LCORL: variants seen among roughly 807,000 people sequenced by gnomAD.
The protein encoded by LCORL is ligand-dependent nuclear receptor corepressor-like protein.
In LCORL, 41 loss-of-function variants were observed where a neutral mutation model predicts 141.8. That is an observed-to-expected ratio of 0.29 (90% CI 0.23 to 0.38). LCORL has a LOEUF of 0.38. Ranked by LOEUF, LCORL falls within the 10% of genes least tolerant of loss-of-function variation. LCORL has a pLI of 1.00. For synonymous variants in LCORL, 618 were observed against 694.1 expected (o/e 0.89, Z 1.72); for missense variants, 1,759 against 2,035.0 (o/e 0.86, Z 2.61).
intron 1 of LCORL, among the ~76,000 whole-genome samples, chr4:17,997,048 C>T (rs1721027758): frequency 6.6e-6 from 1 of 152,152 alleles, no homozygotes; most frequent in South Asian, 2.1e-4. Flanking sequence ...AACTTTTGCA[C>T]ATACTATCTG....
exon 7 of LCORL, chr4:17,875,703 A>G (rs1726848999): frequency 1.6e-6 from 2 of 1,231,326 alleles, no homozygotes; most frequent in African/African-American, 1.6e-5. Context: ...TGGTCTTCCA[A>G]TTGGTCGCTT....
rs146586332 is a variant in LCORL at position 17,975,445 on chromosome 4, G to A, written c.155-2560C>T. Among the ~76,000 whole-genome samples, 745 of 152,006 alleles carry A rather than the reference G, an allele frequency of 4.9e-3. 9 individuals are homozygous for A. The East Asian group carries it at 0.053, about 11-fold the overall frequency. On this transcript the variant is annotated intron_variant, in intron 1 of 7. Coordinates refer to ENST00000635767, the Ensembl canonical transcript of LCORL. ...GAGTCTTGCTCTGTCACTCAGGCTG[G>A]AGTGCAGTGGCGTGATCTCGGCTCA...
chr4:17,929,956 C>T (rs568652947), intron 4 of LCORL, among the ~76,000 whole-genome samples: 1 of 152,248 alleles, frequency 6.6e-6, no homozygotes, highest in East Asian at 1.9e-4. Flanking sequence ...TCTGAACAGA[C>T]ATTTCTACAA....
chr4:18,016,315 A>T (rs35081654), intron 1 of LCORL, among the ~76,000 whole-genome samples: 37,066 of 152,124 alleles, frequency 0.24, 5,882 homozygotes, highest in African/African-American at 0.45. Context: ...AAGCTATTTG[A>T]CCACACTGCT....
intron 1 of LCORL, among the ~76,000 whole-genome samples, chr4:18,003,433 G>A (rs1369365202): frequency 1.4e-5 from 2 of 140,104 alleles, no homozygotes; most frequent in African/African-American, 6.0e-5. Context: ...TTTGACTTGT[G>A]AAATTTAAGG....
intron 1 of LCORL, among the ~76,000 whole-genome samples, chr4:17,993,574 AAGG>A (rs1037650899): frequency 6.6e-6 from 1 of 152,226 alleles, no homozygotes; most frequent in African/African-American, 2.4e-5. Flanking sequence ...TGTGATATGA[AAGG>A]AGGACAATAT....
intron 4 of LCORL, among the ~76,000 whole-genome samples, chr4:17,916,507 T>A (rs1339519711): frequency 6.6e-6 from 1 of 152,172 alleles, no homozygotes; most frequent in African/African-American, 2.4e-5. Flanking sequence ...TGCCATGTGA[T>A]GTGCTGGCTT....
At chr4:18,012,137 T>C (rs1374489718) in intron 1 of LCORL, among the ~76,000 whole-genome samples, 2 of 152,218 alleles carry the variant, frequency 1.3e-5, no homozygotes, top group South Asian at 2.1e-4. Context: ...CTACTACTTA[T>C]TCAGTTCTCC....
rs1328450755 is a variant in LCORL at position 18,020,982 on chromosome 4, G to A, written c.154+616C>T. Among the ~76,000 whole-genome samples the A allele has an allele frequency of 2.6e-5, 4 of 152,162 alleles. No homozygotes were observed. The South Asian group carries it at 6.2e-4, about 24-fold the overall frequency. On this transcript the variant is annotated intron_variant, in intron 1 of 7. Transcript: ENST00000635767. ...CAGCGCCGCCGCCGAGCGCGAGAGG[G>A]CAGAGTTGGGCGCCCCCCGCCCCTC...
chr4:17,876,325 A>G (rs1726918168), exon 7 of LCORL: 3 of 1,231,004 alleles, frequency 2.4e-6, no homozygotes, highest in Admixed American at 4.2e-5. Flanking sequence ...TGTTCTTTGC[A>G]TGTCATTCTA....
chr4:17,939,495 TAA>T (rs891876246), intron 4 of LCORL, among the ~76,000 whole-genome samples: 6 of 152,128 alleles, frequency 3.9e-5, no homozygotes, highest in Admixed American at 2.0e-4. Context: ...AACAGATGTC[TAA>T]AAAAGAGACT....
intron 1 of LCORL, among the ~76,000 whole-genome samples, chr4:18,003,476 CTT>C (rs1284704329): frequency 6.6e-6 from 1 of 152,146 alleles, no homozygotes; most frequent in Non-Finnish European, 1.5e-5. Flanking sequence ...GAGAAATAGA[CTT>C]TGTATTTGGT....
intron 4 of LCORL, among the ~76,000 whole-genome samples, chr4:17,949,259 T>G (rs903900517): frequency 1.3e-5 from 2 of 152,114 alleles, no homozygotes; most frequent in African/African-American, 4.8e-5. Flanking sequence ...CCTCCTCTCC[T>G]TCTCAGCCAT....
intron 4 of LCORL, among the ~76,000 whole-genome samples, chr4:17,941,458 CA>C (rs757998970): frequency 0.03 from 4,087 of 138,368 alleles, 62 homozygotes; most frequent in Non-Finnish European, 0.044. Flanking sequence ...GACTCTGTCT[CA>C]AAAAAAAAAA....
intron 1 of LCORL, among the ~76,000 whole-genome samples, chr4:17,991,271 T>C (rs999986208): frequency 6.6e-6 from 1 of 152,242 alleles, no homozygotes. Flanking sequence ...TTAAAGACTC[T>C]ACTCCTTGTT....
chr4:17,892,971 G>C (rs946758328), intron 5 of LCORL, among the ~76,000 whole-genome samples: 1 of 152,148 alleles, frequency 6.6e-6, no homozygotes, highest in African/African-American at 2.4e-5. Context: ...GAAGACTTTA[G>C]ATTTTTTTAA....
chr4:17,938,022 G>A (rs866873162), intron 4 of LCORL, among the ~76,000 whole-genome samples: 1 of 43,892 alleles, frequency 2.3e-5, no homozygotes, highest in South Asian at 7.6e-4. Context: ...TTTTTTTTTT[G>A]AGACAGAGTT....
At chr4:17,995,879 A>G (rs1463408089) in intron 1 of LCORL, among the ~76,000 whole-genome samples, 2 of 152,242 alleles carry the variant, frequency 1.3e-5, no homozygotes, top group East Asian at 3.9e-4. Flanking sequence ...TACTAGCTGT[A>G]GTAATTCTGG....
At chr4:18,014,379 G>C (rs2109887363) in intron 1 of LCORL, among the ~76,000 whole-genome samples, 1 of 152,090 alleles carries the variant, frequency 6.6e-6, no homozygotes. Context: ...TTTAAACAAT[G>C]ATTTACTATT....
Sources: allele counts gnomAD v4.1 joint callset (sites outside exome capture counted in the v4.1 genomes callset), GRCh38; gene constraint gnomAD v4.1.1; transcripts MANE v1.5; gene names NCBI Gene and HGNC (gene_info 2026-07-23, HGNC 2026-07-21).